MATN2: variants seen among roughly 807,000 people sequenced by gnomAD.
The protein encoded by MATN2 is matrilin-2.
In MATN2, 69 loss-of-function variants were observed where a neutral mutation model predicts 103.2. That is an observed-to-expected ratio of 0.67 (90% CI 0.55 to 0.82). The LOEUF is 0.82. Among genes scored for constraint, MATN2 ranks in the 40% least tolerant of loss-of-function variants. MATN2 has a pLI of 0.00. For missense variants in MATN2, 1,023 were observed against 1,211.5 expected (o/e 0.84, Z 2.31); for synonymous variants, 429 against 450.2 (o/e 0.95, Z 0.60).
Position 97,971,966 on chromosome 8 carries a change from C to T in MATN2, c.959-6920C>T, listed in dbSNP as rs553806206. 1.1e-4 allele frequency among the ~76,000 whole-genome samples: 17 copies of T among 149,426 alleles called. No homozygotes were observed. In the South Asian group the frequency reaches 1.3e-3, roughly 11 times the overall value. On this transcript the variant is annotated intron_variant, in intron 5 of 18. Coordinates refer to ENST00000254898, the MANE Select transcript of MATN2 (RefSeq NM_002380.5). ...ATCCCAGCACTTCGGGAGGCCAAGG[C>T]GGGCAGATCTCTTGAGCTCAGGAGT...
At chr8:97,915,546 A>G (rs1346596101) in intron 2 of MATN2, among the ~76,000 whole-genome samples, 2 of 151,912 alleles carry the variant, frequency 1.3e-5, no homozygotes, top group African/African-American at 4.8e-5. Context: ...TTGTGTACCT[A>G]CACCTCCTCC....
chr8:97,953,409 G>A (rs1178168989), intron 4 of MATN2, among the ~76,000 whole-genome samples: 2 of 152,180 alleles, frequency 1.3e-5, no homozygotes, highest in Non-Finnish European at 2.9e-5. Flanking sequence ...GGGAGGCCAG[G>A]GCGGGTAGAT....
intron 2 of MATN2, among the ~76,000 whole-genome samples, chr8:97,930,257 G>T (rs1810133449): frequency 6.6e-6 from 1 of 152,226 alleles, no homozygotes; most frequent in African/African-American, 2.4e-5. Context: ...TCCCCAGGTA[G>T]ATTAGAAGCT....
intron 13 of MATN2, among the ~76,000 whole-genome samples, chr8:98,023,269 A>T (rs1483369261): frequency 6.7e-6 from 1 of 149,564 alleles, no homozygotes; most frequent in Non-Finnish European, 1.5e-5. Context: ...AAAAACAAAT[A>T]AACAAACAAA....
intron 1 of MATN2, among the ~76,000 whole-genome samples, chr8:97,886,503 G>T (rs769045396): frequency 1.3e-5 from 2 of 152,172 alleles, no homozygotes; most frequent in African/African-American, 4.8e-5. Flanking sequence ...CACTTAATAC[G>T]TTGAAGGCAC....
At chr8:98,017,020 A>G (rs1813387391) in intron 11 of MATN2, among the ~76,000 whole-genome samples, 1 of 152,196 alleles carries the variant, frequency 6.6e-6, no homozygotes, top group Non-Finnish European at 1.5e-5. Flanking sequence ...CCTAAATAAT[A>G]AAGTCTATTA....
intron 2 of MATN2, among the ~76,000 whole-genome samples, chr8:97,913,929 T>C (rs989012677): frequency 2.0e-5 from 3 of 152,232 alleles, no homozygotes; most frequent in African/African-American, 4.8e-5. Context: ...ATTTATTTCA[T>C]TTGAAATTTG....
chr8:97,981,275 G>A (rs2130316951), intron 6 of MATN2, among the ~76,000 whole-genome samples: 1 of 151,866 alleles, frequency 6.6e-6, no homozygotes, highest in Middle Eastern at 3.4e-3. Context: ...ATCTTACTCT[G>A]TCACCCATGC....
intron 4 of MATN2, among the ~76,000 whole-genome samples, chr8:97,953,049 A>G (rs1811014733): frequency 6.7e-6 from 1 of 149,634 alleles, no homozygotes; most frequent in African/African-American, 2.5e-5. Flanking sequence ...CAGCCTCCCT[A>G]GTAGCTGGGA....
chr8:97,932,778 G>A (rs909422496), intron 3 of MATN2, among the ~76,000 whole-genome samples: 6 of 152,212 alleles, frequency 3.9e-5, no homozygotes, highest in Non-Finnish European at 7.3e-5. Flanking sequence ...ATTCCCAGTG[G>A]TCCCTGTCCC....
At chr8:97,905,079 G>T (rs1393936919) in intron 2 of MATN2, among the ~76,000 whole-genome samples, 1 of 152,108 alleles carries the variant, frequency 6.6e-6, no homozygotes, top group East Asian at 1.9e-4. Flanking sequence ...AATTACACTA[G>T]TTAGTAGACC....
chr8:97,985,134 G>A (rs1812150449), intron 6 of MATN2, among the ~76,000 whole-genome samples: 1 of 152,196 alleles, frequency 6.6e-6, no homozygotes, highest in Non-Finnish European at 1.5e-5. Flanking sequence ...GGAAGACTGG[G>A]CATCTAGTGA....
intron 13 of MATN2, 137 bp from the exon 14 acceptor site, chr8:98,027,279 C>G: frequency 1.6e-6 from 1 of 641,492 alleles, no homozygotes; most frequent in South Asian, 2.4e-5. Context: ...AACAACTCAT[C>G]TATCCTGTGT....
At chr8:97,952,627 G>C (rs532210371) in intron 4 of MATN2, among the ~76,000 whole-genome samples, 90 of 152,278 alleles carry the variant, frequency 5.9e-4, no homozygotes, top group Non-Finnish European at 1.3e-4. Flanking sequence ...ACAGCTTTGG[G>C]GCTCTTGGCA....
chr8:97,937,276 G>C lies in MATN2; in HGVS notation c.713-4501G>C, dbSNP rs78049579. On this transcript the variant is annotated intron_variant, in intron 3 of 18. Coordinates refer to ENST00000254898, the MANE Select transcript of MATN2 (RefSeq NM_002380.5). ...GGAAGGGCAGTTTCTAGAAAAACCA[G>C]GTACCAGATTAAATAATAGGTGTCT... Among the ~76,000 whole-genome samples the C allele has an allele frequency of 4.6e-5, 7 of 152,262 alleles. No individual in the cohort carries two copies. In the East Asian group the frequency reaches 1.4e-3, roughly 29 times the overall value.
chr8:97,958,452 A>G (rs1811207904), intron 4 of MATN2, among the ~76,000 whole-genome samples: 1 of 152,240 alleles, frequency 6.6e-6, no homozygotes, highest in Non-Finnish European at 1.5e-5. Flanking sequence ...CAGTACATCC[A>G]TCGCTCTATA....
intron 1 of MATN2, among the ~76,000 whole-genome samples, chr8:97,882,234 G>A (rs1818281503): frequency 6.6e-6 from 1 of 150,928 alleles, no homozygotes. Context: ...CTTATTATTT[G>A]TCTTTTTCAC....
intron 5 of MATN2, among the ~76,000 whole-genome samples, chr8:97,969,016 C>T (rs1268883298): frequency 6.6e-6 from 1 of 152,190 alleles, no homozygotes; most frequent in African/African-American, 2.4e-5. Context: ...TGGCATTGGC[C>T]TCTGCTTCTG....
In MATN2 at chr8:97,886,614, T is replaced by C. The variant is rs566017385; in HGVS notation, c.-26-1461T>C. On this transcript the variant is annotated intron_variant, in intron 1 of 18. Coordinates refer to ENST00000254898, the MANE Select transcript of MATN2 (RefSeq NM_002380.5). ...AATTATATTAAAAAGAGTGAGCTAG[T>C]TCAATACAGCAAGTGTGAAAAACTG... Among the ~76,000 whole-genome samples the C allele has an allele frequency of 3.2e-4, 49 of 152,324 alleles. 3 individuals are homozygous for C. The highest frequency in any genetic ancestry group is 1.1e-3 in the African/African-American group (47 of 41,580).
Sources: gnomAD v4.1 joint callset for allele counts (sites outside exome capture counted in the v4.1 genomes callset) on GRCh38, gnomAD v4.1.1 for gene constraint, MANE v1.5 for transcripts, NCBI Gene and HGNC (gene_info 2026-07-23, HGNC 2026-07-21) for gene names.